Variants in KIF26B observed in about 807,000 individuals in gnomAD.
The protein encoded by KIF26B is kinesin-like protein KIF26B.
A neutral mutation model predicts 151.2 loss-of-function variants in KIF26B; 63 were observed. That is an observed-to-expected ratio of 0.42 (90% CI 0.34 to 0.51). The LOEUF (loss-of-function observed/expected upper bound fraction) is 0.51, where lower values mean the gene tolerates loss of function less well. Among genes scored for constraint, KIF26B ranks in the 20% least tolerant of loss-of-function variants. The pLI is 0.07. For synonymous variants in KIF26B, 1,357 were observed against 1,262.1 expected (o/e 1.08, Z -1.59); for missense variants, 2,813 against 2,913.6 (o/e 0.97, Z 0.79).
rs1491443460 is a variant in KIF26B at position 245,612,103 on chromosome 1, T to TGA, written c.2098+128_2098+129insAG. The TGA allele has an allele frequency of 4.3e-3, 1,706 of 397,120 alleles. 7 individuals are homozygous for TGA. The highest frequency in any genetic ancestry group is 9.4e-3 in the Middle Eastern group (13 of 1,386). 24.6% of individuals were successfully genotyped at this position (397,120 alleles called of 1,614,324 possible). A position where few individuals can be genotyped will look rare whatever the true frequency, so the allele number is the denominator to read the frequency against. ...GTGTGTGTGTGTGTGTGTGTGTGTGTGTGAGAGAGAGAGAGAGAGAGAGAG... is the reference window on the plus strand; with the variant it reads ...GTGTGTGTGTGTGTGTGTGTGTGTGTGAGTGAGAGAGAGAGAGAGAGAGAGAG... On this transcript the variant is annotated intron_variant, in intron 9 of 14. Transcript: ENST00000407071.
Position 245,705,838 on chromosome 1 carries a change from CTT to C in KIF26B, c.*3234_*3235del, listed in dbSNP as rs2044834033. Reference sequence around the variant, plus strand: ...TCAGTTCCCACCTGCGAGCTGCAAACTTTGATCTTGTTGTCCTTGAATTCCCC... The same window carrying C: ...TCAGTTCCCACCTGCGAGCTGCAAACTGATCTTGTTGTCCTTGAATTCCCC... On this transcript the variant is annotated 3_prime_UTR_variant, in exon 15 of 15. Transcript: ENST00000407071. The C allele has an allele frequency of 2.0e-5, 3 of 152,220 alleles. No homozygotes were observed. The highest frequency in any genetic ancestry group is 7.2e-5 in the African/African-American group (3 of 41,458). The allele number at this position is 152,220 out of a possible 1,614,324, so 9.4% of individuals were successfully genotyped here.
chr1:245,557,685 C>T (rs892274669), intron 5 of KIF26B, among the ~76,000 whole-genome samples: 8 of 152,116 alleles, frequency 5.3e-5, no homozygotes, highest in Non-Finnish European at 1.2e-4. Context: ...GACGCCTGTT[C>T]AAGAGATGGG....
At chr1:245,684,201 G>A (rs756353228) in intron 10 of KIF26B, 32 bp from the exon 11 acceptor site, 21 of 1,596,954 alleles carry the variant, frequency 1.3e-5, no homozygotes, top group East Asian at 9.0e-5. Flanking sequence ...AAGCATGGCC[G>A]CTAATGCAGC....
At chr1:245,628,042 T>C (rs2043742743) in intron 9 of KIF26B, among the ~76,000 whole-genome samples, 2 of 152,220 alleles carry the variant, frequency 1.3e-5, no homozygotes. Context: ...AGCCGCATTC[T>C]ACCAGAGGTA....
chr1:245,239,406 T>G lies in KIF26B; in HGVS notation c.465+82723T>G, dbSNP rs940215206. Reference sequence around the variant, plus strand: ...CTAGAAAGCGAATTCTTTCTTTGCATCAATTTTTATCAAAAACTTAATGCC... The same window carrying G: ...CTAGAAAGCGAATTCTTTCTTTGCAGCAATTTTTATCAAAAACTTAATGCC... On this transcript the variant is annotated intron_variant, in intron 2 of 14. Coordinates refer to ENST00000407071, the MANE Select transcript of KIF26B (RefSeq NM_018012.4). This position sits in a 1 kb window ranked among gnomAD's most constrained non-coding sequence, Gnocchi z 4.3. 2.6e-5 allele frequency among the ~76,000 whole-genome samples: 4 copies of G among 152,230 alleles called. No homozygotes were observed. Among genetic ancestry groups the G allele is most frequent in the African/African-American group, 9.6e-5 (4 of 41,466 alleles).
chr1:245,587,726 A>G (rs78102163), intron 5 of KIF26B, among the ~76,000 whole-genome samples: 2,561 of 152,314 alleles, frequency 0.017, 72 homozygotes, highest in African/African-American at 0.058. Flanking sequence ...ACAAAGCTTC[A>G]GGCTGGGACC....
At chr1:245,553,405 C>T (rs113521005) in intron 5 of KIF26B, among the ~76,000 whole-genome samples, 101 of 152,286 alleles carry the variant, frequency 6.6e-4, no homozygotes, top group African/African-American at 2.4e-3. Flanking sequence ...GCTGCCTTGG[C>T]GGGGTGGCAG....
At chr1:245,301,437 G>A (rs1486495165) in intron 2 of KIF26B, among the ~76,000 whole-genome samples, 1 of 152,106 alleles carries the variant, frequency 6.6e-6, no homozygotes, top group African/African-American at 2.4e-5. Flanking sequence ...GATATTCCTG[G>A]CGTCTCTTCA....
At chr1:245,664,282 C>T (rs932654494) in intron 10 of KIF26B, among the ~76,000 whole-genome samples, 53 of 151,622 alleles carry the variant, frequency 3.5e-4, no homozygotes, top group African/African-American at 1.2e-3. Flanking sequence ...TCGCTTGAAC[C>T]CGGGAGGTGG....
chr1:245,404,778 T>C (rs967018985), intron 3 of KIF26B, among the ~76,000 whole-genome samples: 2 of 152,240 alleles, frequency 1.3e-5, no homozygotes, highest in African/African-American at 4.8e-5. Context: ...AGAAGAGCTT[T>C]GTCTCTGTGC....
intron 5 of KIF26B, among the ~76,000 whole-genome samples, chr1:245,586,178 TG>T (rs2043221971): frequency 6.6e-6 from 1 of 151,246 alleles, no homozygotes; most frequent in Non-Finnish European, 1.5e-5. Flanking sequence ...TGTGTGTGTG[TG>T]TGTGTGTGTG....
In KIF26B at chr1:245,336,417, C is replaced by A. The variant is rs532284574; in HGVS notation, c.466-30417C>A. 9.2e-5 allele frequency among the ~76,000 whole-genome samples: 14 copies of A among 152,320 alleles called. 1 individual carries two copies. The South Asian group carries it at 2.9e-3, about 32-fold the overall frequency. On this transcript the variant is annotated intron_variant, in intron 2 of 14. Coordinates refer to ENST00000407071, the MANE Select transcript of KIF26B (RefSeq NM_018012.4). Reference sequence around the variant, plus strand: ...AGGGGTCATGGTATGCGGGTGCCTCCGACTGGCGGCTGCGTGGTGGATCTG... The same window carrying A: ...AGGGGTCATGGTATGCGGGTGCCTCAGACTGGCGGCTGCGTGGTGGATCTG...
chr1:245,644,112 A>T (rs1199605520), intron 9 of KIF26B, among the ~76,000 whole-genome samples: 1 of 151,710 alleles, frequency 6.6e-6, no homozygotes. Context: ...TCCTTTAGGG[A>T]CTCCAATTAC....
rs555045029 is a variant in KIF26B, at chr1:245,218,400, A to T, written c.465+61717A>T. On this transcript the variant is annotated intron_variant, in intron 2 of 14. Coordinates refer to ENST00000407071, the MANE Select transcript of KIF26B (RefSeq NM_018012.4). This position sits in a 1 kb window ranked among gnomAD's most constrained non-coding sequence, Gnocchi z 4.1. ...CAGGTGAAAAGCAGAAGGGAACTCT[A>T]TGGCTGTCTTTCTTCTCCCTGTTTA... Among the ~76,000 whole-genome samples the T allele has an allele frequency of 1.3e-5, 2 of 152,316 alleles. No individual in the cohort carries two copies. Among genetic ancestry groups the T allele is most frequent in the Non-Finnish European group, 2.9e-5 (2 of 68,020 alleles).
chr1:245,363,594 T>G (rs1465138218), intron 2 of KIF26B, among the ~76,000 whole-genome samples: 2 of 152,278 alleles, frequency 1.3e-5, no homozygotes, highest in African/African-American at 4.8e-5. Flanking sequence ...GACCATTCCT[T>G]TTTGAAGTTG....
chr1:245,401,780 G>T (rs566610993), intron 3 of KIF26B, among the ~76,000 whole-genome samples: 1 of 152,310 alleles, frequency 6.6e-6, no homozygotes, highest in African/African-American at 2.4e-5. Context: ...TGAGGCATGA[G>T]AATTGCTTGA....
rs564279242 is a variant in KIF26B at position 245,688,365 on chromosome 1, C to A, written c.5382C>A (p.Gly1794=). The stretch of plus-strand genomic sequence containing the variant: ...CCCTCAGCAGGAACAGGAGCTCGGG[C>A]CTGGCCTCCAAGCTTCCCCTGCGGG... The part of the protein sequence containing the change: ...TQSLSRNRSS[G]LASKLPLRAV... The change falls in exon 12 of 15, where the codon GGC becomes GGA. Residue 1794 remains glycine, a synonymous_variant. Coordinates refer to ENST00000407071, the MANE Select transcript of KIF26B (RefSeq NM_018012.4). 126 of 1,554,574 alleles carry A rather than the reference C, an allele frequency of 8.1e-5. No homozygotes were observed. The South Asian group carries it at 1.4e-3, about 18-fold the overall frequency.
chr1:245,305,936 C>CAA (rs55865379), intron 2 of KIF26B, among the ~76,000 whole-genome samples: 7,268 of 86,524 alleles, frequency 0.084, 367 homozygotes, highest in Non-Finnish European at 0.12. Context: ...GACGACTCCT[C>CAA]AAAAAAAAAA....
Position 245,490,478 on chromosome 1 carries a change from AT to A in KIF26B, c.1167-50283del, listed in dbSNP as rs1398546948. The stretch of plus-strand genomic sequence containing the variant: ...AGGCGCACACCACCACGTCCAGCTA[AT>A]TTTTTGTATTTTTACTAGAGACAGG... On this transcript the variant is annotated intron_variant, in intron 4 of 14. Transcript: ENST00000407071. Among the ~76,000 whole-genome samples the A allele has an allele frequency of 1.1e-4, 16 of 151,830 alleles. 1 individual carries two copies. The highest frequency in any genetic ancestry group is 3.9e-4 in the African/African-American group (16 of 41,392).
Sources: gnomAD v4.1 joint callset for allele counts (sites outside exome capture counted in the v4.1 genomes callset) on GRCh38, gnomAD v4.1.1 for gene constraint, Gnocchi (gnomAD v3.1) non-coding constraint, MANE v1.5 for transcripts, NCBI Gene and HGNC (gene_info 2026-07-23, HGNC 2026-07-21) for gene names.